The following NFAM1 variants were observed in gnomAD, a reference collection of about 807,000 sequenced individuals.
NFAM1 encodes NFAT activation molecule 1.
In NFAM1, 17 loss-of-function variants were observed where a neutral mutation model predicts 29.0. The ratio of observed to expected loss-of-function variants is 0.59; its 90% CI spans 0.40 to 0.88. The LOEUF (loss-of-function observed/expected upper bound fraction) is 0.88, where lower values mean the gene tolerates loss of function less well. Among genes scored for constraint, NFAM1 ranks in the 40% least tolerant of loss-of-function variants. The probability of loss-of-function intolerance (pLI) is 0.00; values close to 1 mark genes in which losing one functional copy is unlikely to be tolerated. For synonymous variants in NFAM1, 175 were observed against 147.2 expected, an observed-to-expected ratio of 1.19 and a Z score of -1.36; for missense variants, 324 against 344.6, an observed-to-expected ratio of 0.94 and a Z score of 0.47.
At chr22:42,395,746 A>G (rs1198268584) in intron 4 of NFAM1, among the ~76,000 whole-genome samples, 6 of 151,194 alleles carry the variant, frequency 4.0e-5, no homozygotes, top group Admixed American at 4.0e-4. Context: ...AGCCGGGCGC[A>G]GTGGCGGGCA....
upstream of NFAM1, among the ~76,000 whole-genome samples, chr22:42,437,250 C>T (rs907552450): frequency 2.0e-5 from 3 of 149,798 alleles, no homozygotes; most frequent in African/African-American, 7.4e-5. Context: ...TCAAGTGATT[C>T]TCCTGTCTCA....
rs538791016 is a variant in NFAM1, at chr22:42,413,391, G to A, written c.122-1655C>T. Among the ~76,000 whole-genome samples, 11 of 152,252 alleles carry A rather than the reference G, an allele frequency of 7.2e-5. No individual in the cohort carries two copies. The East Asian group carries it at 1.7e-3, about 24-fold the overall frequency. Reference sequence around the variant, plus strand: ...GGGAGGCCAGCCTTCTGGAAGATGCGGGAACAGAGATGGAGTTGGCCCTGT... The same window carrying A: ...GGGAGGCCAGCCTTCTGGAAGATGCAGGAACAGAGATGGAGTTGGCCCTGT... On this transcript the variant is annotated intron_variant, in intron 1 of 5. Coordinates refer to ENST00000329021, the MANE Select transcript of NFAM1 (RefSeq NM_145912.8).
chr22:42,435,329 TTTTC>T (rs1045125810), upstream of NFAM1, among the ~76,000 whole-genome samples: 37 of 146,926 alleles, frequency 2.5e-4, no homozygotes, highest in Admixed American at 1.0e-3. Context: ...CTGGCCTCTG[TTTTC>T]TTTTTCTTTT....
intron 1 of NFAM1, among the ~76,000 whole-genome samples, chr22:42,417,577 G>T (rs1307037611): frequency 6.6e-6 from 1 of 152,176 alleles, no homozygotes; most frequent in Non-Finnish European, 1.5e-5. Flanking sequence ...CCTGGAGGTG[G>T]CTGCAAGGAG....
chr22:42,387,472 C>T (rs1298671238), intron 4 of NFAM1, among the ~76,000 whole-genome samples: 1 of 152,062 alleles, frequency 6.6e-6, no homozygotes, highest in Non-Finnish European at 1.5e-5. Context: ...GTGGCCACTG[C>T]TCCAATAGGA....
At position 42,411,407 on chromosome 22, in the gene NFAM1, C is replaced by A; in HGVS notation, c.451G>T (p.Asp151Tyr). 2 of 1,611,316 alleles carry A rather than the reference C, an allele frequency of 1.2e-6. No individual in the cohort carries two copies. The highest frequency in any genetic ancestry group is 1.1e-5 in the South Asian group (1 of 90,782). The stretch of plus-strand genomic sequence containing the variant: ...GGAAGAGCCACAGAGGAAGCCTTAC[C>A]TCTGACCAGGATGAAGGTGCCGCTG... Reference protein sequence around the residue: ...RGSGTFILVRDAGYREPPQSP... With the variant: ...RGSGTFILVRYAGYREPPQSP... The change falls in exon 2 of 6, where the codon GAC becomes TAC. Residue 151 changes from aspartate to tyrosine, a missense_variant and splice_region_variant. Asp to Tyr is a radical substitution (Grantham distance 160). Coordinates refer to ENST00000329021, the MANE Select transcript of NFAM1 (RefSeq NM_145912.8).
chr22:42,390,113 G>A (rs987226396), intron 4 of NFAM1, among the ~76,000 whole-genome samples: 3 of 151,884 alleles, frequency 2.0e-5, no homozygotes, highest in African/African-American at 2.4e-5. Context: ...GAGTAAGATC[G>A]AGGATGCTGG....
Position 42,384,856 on chromosome 22 carries a change from A to C in NFAM1, c.*305T>G. ...GAGGCAGTGAGCAGGGCTCTGGGCA[A>C]GGGTGGCATCCAGGAAAGCCCTTGA... On this transcript the variant is annotated 3_prime_UTR_variant, in exon 6 of 6. Coordinates refer to ENST00000329021, the MANE Select transcript of NFAM1 (RefSeq NM_145912.8). 4.2e-6 allele frequency: 2 copies of C among 473,996 alleles called. No homozygotes were observed. The highest frequency in any genetic ancestry group is 8.0e-5 in the East Asian group (2 of 24,858). The allele number at this position is 473,996 out of a possible 1,614,324, so 29.4% of individuals were successfully genotyped here.
At chr22:42,386,944 C>G (rs1479856888) in intron 5 of NFAM1, 45 bp downstream of exon 5, 1 of 1,056,966 alleles carries the variant, frequency 9.5e-7, no homozygotes, top group African/African-American at 1.7e-5. Flanking sequence ...ATGGGAGGGT[C>G]AGATGGAGCA....
At chr22:42,412,617 G>A (rs944898010) in intron 1 of NFAM1, among the ~76,000 whole-genome samples, 1 of 152,170 alleles carries the variant, frequency 6.6e-6, no homozygotes, top group African/African-American at 2.4e-5. Context: ...TAAAGAAGGA[G>A]GCAGGAAAAC....
chr22:42,391,276 T>C (rs6002719), intron 4 of NFAM1, among the ~76,000 whole-genome samples: 8,949 of 146,114 alleles, frequency 0.061, 332 homozygotes, highest in African/African-American at 0.11. Flanking sequence ...CAGAGGGCTC[T>C]GAGCAGAGGG....
At chr22:42,407,994 G>A (rs1035078375) in intron 3 of NFAM1, among the ~76,000 whole-genome samples, 4 of 144,438 alleles carry the variant, frequency 2.8e-5, no homozygotes, top group Admixed American at 7.4e-5. Flanking sequence ...CCTCCGCCTC[G>A]CAGGTTCAAG....
rs1382079698 is a variant in NFAM1 at position 42,399,460 on chromosome 22, A to AG, written c.565-1505_565-1504insC. 9.4e-5 allele frequency among the ~76,000 whole-genome samples: 10 copies of AG among 106,894 alleles called. No homozygotes were observed. The South Asian group carries it at 2.7e-3, about 28-fold the overall frequency. 70.1% of individuals were successfully genotyped at this position (106,894 alleles called of 152,430 possible). A position where few individuals can be genotyped will look rare whatever the true frequency, so the allele number is the denominator to read the frequency against. ...AGATCCCATCTCAAAAAAAAAAAAA[A>AG]AAAGAAAGAAAGAAAAAAAGAGAGA... On this transcript the variant is annotated intron_variant, in intron 3 of 5. Transcript: ENST00000329021.
At chr22:42,406,773 TTTC>T (rs1175377485) in intron 3 of NFAM1, among the ~76,000 whole-genome samples, 1 of 152,208 alleles carries the variant, frequency 6.6e-6, no homozygotes, top group African/African-American at 2.4e-5. Context: ...TTTCCTTTCT[TTTC>T]TTTTTCCTTT....
upstream of NFAM1, chr22:42,432,523 A>C (rs1027472428): frequency 1.8e-5 from 16 of 910,404 alleles, no homozygotes; most frequent in Non-Finnish European, 2.4e-5. Flanking sequence ...CAGATGAGGA[A>C]CCTGGCACTG....
At position 42,381,564 on chromosome 22, in the gene NFAM1, T is replaced by G. The variant is rs1403819148; in HGVS notation, c.*3597A>C. On this transcript the variant is annotated 3_prime_UTR_variant, in exon 6 of 6. Coordinates refer to ENST00000329021, the MANE Select transcript of NFAM1 (RefSeq NM_145912.8). Reference sequence around the variant, plus strand: ...CAGAGACAGGGCTGCCCTGCTGCGGTAGGGCCCAGGGGCAGGGGCCTGCAG... The same window carrying G: ...CAGAGACAGGGCTGCCCTGCTGCGGGAGGGCCCAGGGGCAGGGGCCTGCAG... 6.6e-6 allele frequency: 1 copy of G among 152,624 alleles called. No homozygotes were observed. Among genetic ancestry groups the G allele is most frequent in the African/African-American group, 2.4e-5 (1 of 41,400 alleles). 9.5% of individuals were successfully genotyped at this position (152,624 alleles called of 1,614,324 possible).
chr22:42,383,907 C>T lies in NFAM1; in HGVS notation c.*1254G>A, dbSNP rs1295002170. 1 of 152,746 alleles carries T rather than the reference C, an allele frequency of 6.5e-6. No homozygotes were observed. The highest frequency in any genetic ancestry group is 1.5e-5 in the Non-Finnish European group (1 of 68,130). 9.5% of individuals were successfully genotyped at this position (152,746 alleles called of 1,614,324 possible). On this transcript the variant is annotated 3_prime_UTR_variant, in exon 6 of 6. Coordinates refer to ENST00000329021, the MANE Select transcript of NFAM1 (RefSeq NM_145912.8). Reference sequence around the variant, plus strand: ...GCCCAACAGCCCGGGGCACCCGGACCCCAGCCACTGCCTGCCTGTGGATGG... The same window carrying T: ...GCCCAACAGCCCGGGGCACCCGGACTCCAGCCACTGCCTGCCTGTGGATGG...
At position 42,388,213 on chromosome 22, in the gene NFAM1, G is replaced by C. The variant is rs35476930; in HGVS notation, c.664-1135C>G. On this transcript the variant is annotated intron_variant, in intron 4 of 5. Transcript: ENST00000329021. The surrounding 1 kb of genome is among the most constrained non-coding windows in gnomAD (Gnocchi z 4.1). ...GTAGGTTCGAATCTCGGCTCTGACT[G>C]CGCCAGCCAAAGGCAACCCCTTAAC... 0.56 allele frequency among the ~76,000 whole-genome samples: 84,250 copies of C among 151,752 alleles called. 23,770 individuals carry two copies. Among genetic ancestry groups the C allele is most frequent in the African/African-American group, 0.65 (26,912 of 41,376 alleles).
At chr22:42,422,047 C>A (rs539914167) in intron 1 of NFAM1, among the ~76,000 whole-genome samples, 7 of 152,318 alleles carry the variant, frequency 4.6e-5, no homozygotes, top group African/African-American at 1.7e-4. Context: ...TATTTCGGAG[C>A]TTTTAGCACC....
Sources: gnomAD v4.1 joint callset for allele counts (sites outside exome capture counted in the v4.1 genomes callset) on GRCh38, gnomAD v4.1.1 for gene constraint, Gnocchi (gnomAD v3.1) non-coding constraint, MANE v1.5 for transcripts, NCBI Gene and HGNC (gene_info 2026-07-23, HGNC 2026-07-21) for gene names.